TSPAN13: variants seen among roughly 807,000 people sequenced by gnomAD.
The protein encoded by TSPAN13 is tetraspanin 13.
Under a neutral mutation model 26.9 loss-of-function variants are expected in TSPAN13, and 18 were observed. The observed-to-expected ratio is 0.67, with a 90% CI of 0.46 to 0.99. TSPAN13 has a LOEUF of 0.99. TSPAN13 is among the 50% of genes least tolerant of loss of function. The pLI is 0.00. For synonymous variants in TSPAN13, 116 were observed against 98.4 expected, an observed-to-expected ratio of 1.18 and a Z score of -1.06; for missense variants, 201 against 249.6, an observed-to-expected ratio of 0.81 and a Z score of 1.31.
intron 1 of TSPAN13, among the ~76,000 whole-genome samples, chr7:16,770,685 A>AT (rs1294963182): frequency 1.3e-5 from 2 of 150,950 alleles, no homozygotes; most frequent in Non-Finnish European, 3.0e-5. Flanking sequence ...CAATGTTTTT[A>AT]TTTTTTTCTT....
At chr7:16,775,025 T>C (rs1041687583) in intron 1 of TSPAN13, among the ~76,000 whole-genome samples, 1 of 152,190 alleles carries the variant, frequency 6.6e-6, no homozygotes, top group Non-Finnish European at 1.5e-5. Context: ...TTTGAGTAAG[T>C]GGTAATTTAT....
chr7:16,763,378 C>A (rs1784567854), intron 1 of TSPAN13, among the ~76,000 whole-genome samples: 1 of 152,134 alleles, frequency 6.6e-6, no homozygotes, highest in Admixed American at 6.5e-5. Flanking sequence ...AATCAGGATA[C>A]TTCATGGGTT....
intron 1 of TSPAN13, among the ~76,000 whole-genome samples, chr7:16,772,250 G>A (rs1419447109): frequency 6.6e-6 from 1 of 152,118 alleles, no homozygotes; most frequent in Non-Finnish European, 1.5e-5. Flanking sequence ...TCCACTGATG[G>A]TAAAATTCCA....
At chr7:16,763,180 G>A (rs1261705140) in intron 1 of TSPAN13, among the ~76,000 whole-genome samples, 2 of 152,188 alleles carry the variant, frequency 1.3e-5, no homozygotes, top group Non-Finnish European at 2.9e-5. Flanking sequence ...TTTGACGGCA[G>A]GGTAAGAAGC....
In TSPAN13 at chr7:16,776,380, T is replaced by C; in HGVS notation, c.231+2T>C. ...CATCATCAGGTGTTGCTATTTTTTG[T>C]ATCCTTTTTAAAAATCAAGATTTTA... On this transcript the variant is annotated splice_donor_variant, in intron 2 of 5. Transcript: ENST00000262067. LOFTEE classifies it high-confidence loss of function. The C allele has an allele frequency of 6.2e-7, 1 of 1,609,150 alleles. No individual in the cohort carries two copies.
chr7:16,777,918 A>C lies in TSPAN13; in HGVS notation c.426+7A>C. On this transcript the variant is annotated splice_region_variant and intron_variant, in intron 4 of 5. Transcript: ENST00000262067. ...AAATGACACCTGTCTGGCTGTAAGT[A>C]CATTGTATAATATATGTTTTTGGAA... 1.3e-6 allele frequency: 2 copies of C among 1,597,558 alleles called. No individual in the cohort carries two copies. The highest frequency in any genetic ancestry group is 1.7e-6 in the Non-Finnish European group (2 of 1,166,562).
intron 4 of TSPAN13, among the ~76,000 whole-genome samples, chr7:16,778,297 A>C (rs1784776240): frequency 6.6e-6 from 1 of 152,148 alleles, no homozygotes; most frequent in African/African-American, 2.4e-5. Flanking sequence ...CTTTTGTGAG[A>C]TTATCTCCTT....
chr7:16,770,353 C>G (rs894740141), intron 1 of TSPAN13, among the ~76,000 whole-genome samples: 16 of 151,866 alleles, frequency 1.1e-4, no homozygotes, highest in African/African-American at 3.9e-4. Context: ...TTACAGGTGC[C>G]CACCATCACA....
At chr7:16,772,776 A>G (rs1241736736) in intron 1 of TSPAN13, among the ~76,000 whole-genome samples, 1 of 152,110 alleles carries the variant, frequency 6.6e-6, no homozygotes, top group Non-Finnish European at 1.5e-5. Context: ...CAGGTGGATC[A>G]CCTGAGGTCA....
rs375201474 is a variant in TSPAN13, at chr7:16,753,930, G to C, written c.-38G>C. Reference sequence around the variant, plus strand: ...CTGTCAGGGAACCTCCGCCGGAGTCGAATTTACGTGCAGCTGCCGGCAACC... The same window carrying C: ...CTGTCAGGGAACCTCCGCCGGAGTCCAATTTACGTGCAGCTGCCGGCAACC... On this transcript the variant is annotated 5_prime_UTR_variant, in exon 1 of 6. Transcript: ENST00000262067. The C allele has an allele frequency of 5.8e-5, 93 of 1,603,718 alleles. No homozygotes were observed. In the African/African-American group the frequency reaches 6.3e-4, roughly 11 times the overall value.
Position 16,754,165 on chromosome 7 carries a change from C to CCCGGCCTCACCAT in TSPAN13, c.63+139_63+151dup, listed in dbSNP as rs1170797774. On this transcript the variant is annotated intron_variant, in intron 1 of 5. Coordinates refer to ENST00000262067, the MANE Select transcript of TSPAN13 (RefSeq NM_014399.4). ...TCCCGGCTTCCCACGTCTGCGCGCCCCCGGCCTCACCATCCGTCCCCGCCG... is the reference window on the plus strand; with the variant it reads ...TCCCGGCTTCCCACGTCTGCGCGCCCCCGGCCTCACCATCCGGCCTCACCATCCGTCCCCGCCG... 47 of 893,026 alleles carry CCCGGCCTCACCAT rather than the reference C, an allele frequency of 5.3e-5. No homozygotes were observed. The African/African-American group carries it at 7.7e-4, about 15-fold the overall frequency. The allele number at this position is 893,026 out of a possible 1,614,324, so 55.3% of individuals were successfully genotyped here.
intron 1 of TSPAN13, among the ~76,000 whole-genome samples, chr7:16,771,991 C>T (rs1350486372): frequency 6.6e-6 from 1 of 152,114 alleles, no homozygotes; most frequent in Non-Finnish European, 1.5e-5. Context: ...ATAACATTCT[C>T]AATAATAGCA....
intron 1 of TSPAN13, among the ~76,000 whole-genome samples, chr7:16,754,925 G>T (rs1784465413): frequency 6.6e-6 from 1 of 152,110 alleles, no homozygotes; most frequent in Admixed American, 6.5e-5. Flanking sequence ...GAGGGAATGG[G>T]GCATTATCTG....
intron 1 of TSPAN13, among the ~76,000 whole-genome samples, chr7:16,770,755 C>T (rs910101727): frequency 1.1e-4 from 17 of 152,076 alleles, no homozygotes; most frequent in Non-Finnish European, 2.1e-4. Flanking sequence ...TTTGGATATG[C>T]GTTTATGAGC....
At position 16,776,314 on chromosome 7, in the gene TSPAN13, T is replaced by C. The variant is rs1190936731; in HGVS notation, c.167T>C (p.Leu56Ser). 2 of 1,614,214 alleles carry C rather than the reference T, an allele frequency of 1.2e-6. No homozygotes were observed. Among genetic ancestry groups the C allele is most frequent in the Non-Finnish European group, 1.7e-6 (2 of 1,180,032 alleles). The change falls in exon 2 of 6, where the codon TTG (leucine) becomes TCG (serine). Residue 56 changes from leucine (L) to serine (S), a missense_variant. Transcript: ENST00000262067. ...GTGGTCATTGCAGTGGGCATCTTCT[T>C]GTTCCTGATTGCTTTAGTGGGTCTG... ...VGVVIAVGIF[L>S]FLIALVGLIG...
chr7:16,773,724 A>G (rs921790452), intron 1 of TSPAN13, among the ~76,000 whole-genome samples: 5 of 152,238 alleles, frequency 3.3e-5, no homozygotes, highest in African/African-American at 1.2e-4. Context: ...AGGATGTAGT[A>G]TAATTCCCAA....
At chr7:16,754,069 T>TTGCACCTGCTTGGGAGCTC (rs757271090) in intron 1 of TSPAN13, 39 bp downstream of exon 1, 24 of 1,598,368 alleles carry the variant, frequency 1.5e-5, no homozygotes, top group Non-Finnish European at 2.1e-5. Context: ...CTTGGGGGCT[T>TTGCACCTGCTTGGGAGCTC]TGCACCTGCT....
intron 1 of TSPAN13, among the ~76,000 whole-genome samples, chr7:16,773,588 T>C (rs778548077): frequency 1.2e-4 from 18 of 152,226 alleles, no homozygotes; most frequent in Non-Finnish European, 2.5e-4. Context: ...CTAATAGGGA[T>C]GTCTTGTCTC....
chr7:16,755,701 C>T (rs58755731), intron 1 of TSPAN13, among the ~76,000 whole-genome samples: 2,552 of 152,092 alleles, frequency 0.017, 71 homozygotes, highest in African/African-American at 0.058. Flanking sequence ...GGAATGTCTA[C>T]TTTGCATACT....
Sources: gnomAD v4.1 joint callset for allele counts (sites outside exome capture counted in the v4.1 genomes callset) on GRCh38, gnomAD v4.1.1 for gene constraint, MANE v1.5 for transcripts, NCBI Gene and HGNC (gene_info 2026-07-23, HGNC 2026-07-21) for gene names.